The following JAM3 variants were observed in gnomAD, a reference collection of about 807,000 sequenced individuals.
The protein encoded by JAM3 is junctional adhesion molecule C.
Under a neutral mutation model 39.4 loss-of-function variants are expected in JAM3, and 31 were observed. That is an observed-to-expected ratio of 0.79 (90% CI 0.59 to 1.06). JAM3 has a LOEUF of 1.06. JAM3 is among the 50% of genes least tolerant of loss of function. JAM3 has a pLI of 0.00. For synonymous variants in JAM3, 182 were observed against 148.7 expected (o/e 1.22, Z -1.63); for missense variants, 455 against 391.4 (o/e 1.16, Z -1.37).
intron 2 of JAM3, among the ~76,000 whole-genome samples, chr11:134,140,445 G>C (rs1942953443): frequency 6.6e-6 from 1 of 152,170 alleles, no homozygotes; most frequent in East Asian, 1.9e-4. Context: ...GTGTTTAAGG[G>C]AGGGGTACAC....
rs1943223242 is a variant in JAM3, at chr11:134,151,230, T to A, written c.*2049T>A. 6.6e-6 allele frequency: 1 copy of A among 152,264 alleles called. No individual in the cohort carries two copies. Among genetic ancestry groups the A allele is most frequent in the Non-Finnish European group, 1.5e-5 (1 of 68,058 alleles). The allele number at this position is 152,264 out of a possible 1,614,324, so 9.4% of individuals were successfully genotyped here. On this transcript the variant is annotated 3_prime_UTR_variant, in exon 9 of 9. Coordinates refer to ENST00000299106, the MANE Select transcript of JAM3 (RefSeq NM_032801.5). ...ATACATGAGACTGTGTTGACTTTTTTTAGTTATGTGAAACACTTTGCCGCA... is the reference window on the plus strand; with the variant it reads ...ATACATGAGACTGTGTTGACTTTTTATAGTTATGTGAAACACTTTGCCGCA...
chr11:134,148,972 A>ACACACACG, intron 8 of JAM3, among the ~76,000 whole-genome samples, 154 bp downstream of exon 8: 1 of 151,526 alleles, frequency 6.6e-6, no homozygotes, highest in Non-Finnish European at 1.5e-5. Context: ...ACACACACAC[A>ACACACACG]CACACACACA....
At chr11:134,141,655 G>A (rs188375937) in intron 3 of JAM3, among the ~76,000 whole-genome samples, 13 of 152,216 alleles carry the variant, frequency 8.5e-5, no homozygotes, top group Admixed American at 8.5e-4. Flanking sequence ...CCAAGTCAGA[G>A]GCCTTCTGCA....
At chr11:134,137,901 C>G (rs1942897944) in intron 1 of JAM3, among the ~76,000 whole-genome samples, 2 of 114,366 alleles carry the variant, frequency 1.7e-5, no homozygotes, top group Admixed American at 8.6e-5. Flanking sequence ...AGTCGTGGTG[C>G]TCATACTGAG....
chr11:134,081,229 T>C (rs557264950), intron 1 of JAM3, among the ~76,000 whole-genome samples: 2 of 152,298 alleles, frequency 1.3e-5, no homozygotes, highest in South Asian at 4.1e-4. Context: ...AATCTTGTTT[T>C]CCGAAGAGAA....
At chr11:134,120,475 AG>A (rs1334466250) in intron 1 of JAM3, among the ~76,000 whole-genome samples, 2 of 152,248 alleles carry the variant, frequency 1.3e-5, no homozygotes, top group Non-Finnish European at 2.9e-5. Flanking sequence ...TACTGTAATG[AG>A]TATAAACCCA....
At chr11:134,092,075 G>A (rs1941870104) in intron 1 of JAM3, among the ~76,000 whole-genome samples, 1 of 152,034 alleles carries the variant, frequency 6.6e-6, no homozygotes, top group African/African-American at 2.4e-5. Context: ...TTCTTTAGGG[G>A]CTTTCTGTTG....
chr11:134,109,343 T>C (rs1298643044), intron 1 of JAM3, among the ~76,000 whole-genome samples: 2 of 152,172 alleles, frequency 1.3e-5, no homozygotes, highest in African/African-American at 4.8e-5. Context: ...TAAAAAAAAT[T>C]AGGAAGAAGT....
chr11:134,086,157 C>G (rs1591772317), intron 1 of JAM3, among the ~76,000 whole-genome samples: 1 of 152,138 alleles, frequency 6.6e-6, no homozygotes, highest in Non-Finnish European at 1.5e-5. Context: ...TGTGTGTAAA[C>G]AGAATTTTAA....
chr11:134,069,453 C>G (rs1182097333), intron 1 of JAM3, among the ~76,000 whole-genome samples: 1 of 152,096 alleles, frequency 6.6e-6, no homozygotes, highest in Non-Finnish European at 1.5e-5. Flanking sequence ...GCCGTCGGAC[C>G]CCGGGGGCGG....
chr11:134,076,930 G>A (rs1306348770), intron 1 of JAM3, among the ~76,000 whole-genome samples: 2 of 150,748 alleles, frequency 1.3e-5, no homozygotes, highest in African/African-American at 4.9e-5. Flanking sequence ...TGCCTCTTGG[G>A]TTCAAGCGAT....
intron 5 of JAM3, 160 bp downstream of exon 5, chr11:134,145,154 C>T: frequency 4.5e-6 from 3 of 660,826 alleles, no homozygotes; most frequent in Non-Finnish European, 8.1e-6. Flanking sequence ...ACCCTTCTTC[C>T]TTTTATAAAC....
intron 1 of JAM3, among the ~76,000 whole-genome samples, chr11:134,114,456 C>T (rs1311011482): frequency 6.6e-6 from 1 of 152,098 alleles, no homozygotes; most frequent in Admixed American, 6.6e-5. Context: ...TTCCCCATTT[C>T]TTGTTTTTGT....
intron 1 of JAM3, among the ~76,000 whole-genome samples, chr11:134,117,383 A>AG (rs2120755803): frequency 8.0e-6 from 1 of 124,740 alleles, no homozygotes; most frequent in South Asian, 2.3e-4. Flanking sequence ...CCATCTCAAA[A>AG]AAAGAAAAAC....
rs537849817 is a variant in JAM3, at chr11:134,110,611, T to A, written c.77-29240T>A. ...AAATCCAAACTAGTGACAAAATCGC[T>A]AAGTGGTTGCCTGGGGACAGGGCAG... On this transcript the variant is annotated intron_variant, in intron 1 of 8. Transcript: ENST00000299106. Among the ~76,000 whole-genome samples the A allele has an allele frequency of 2.6e-5, 4 of 152,130 alleles. No individual in the cohort carries two copies. In the South Asian group the frequency reaches 8.3e-4, roughly 32 times the overall value.
intron 3 of JAM3, among the ~76,000 whole-genome samples, chr11:134,142,212 G>T (rs2120863305): frequency 6.6e-6 from 1 of 152,280 alleles, no homozygotes; most frequent in South Asian, 2.1e-4. Context: ...GGAGGCCGAG[G>T]GAGACGGTTT....
At chr11:134,146,831 G>A (rs140317547) in intron 6 of JAM3, among the ~76,000 whole-genome samples, 1 of 152,296 alleles carries the variant, frequency 6.6e-6, no homozygotes, top group East Asian at 1.9e-4. Flanking sequence ...TCCCCCAGGT[G>A]CTGGGATTAA....
intron 1 of JAM3, among the ~76,000 whole-genome samples, chr11:134,105,083 A>T (rs2120699218): frequency 6.6e-6 from 1 of 152,346 alleles, no homozygotes; most frequent in South Asian, 2.1e-4. Context: ...TCCCTGATCA[A>T]CATCGATGCA....
intron 1 of JAM3, among the ~76,000 whole-genome samples, chr11:134,134,265 A>G (rs981143555): frequency 2.0e-5 from 3 of 152,094 alleles, no homozygotes; most frequent in African/African-American, 7.2e-5. Context: ...CATACTTGTA[A>G]ATGATAATAC....
Sources: gnomAD v4.1 joint callset for allele counts (sites outside exome capture counted in the v4.1 genomes callset) on GRCh38, gnomAD v4.1.1 for gene constraint, MANE v1.5 for transcripts, NCBI Gene and HGNC (gene_info 2026-07-23, HGNC 2026-07-21) for gene names.